The following PTPRE variants were observed in gnomAD, a reference collection of about 807,000 sequenced individuals.
The protein encoded by PTPRE is receptor-type tyrosine-protein phosphatase epsilon.
In PTPRE, 51 loss-of-function variants were observed where a neutral mutation model predicts 102.0. The observed-to-expected ratio is 0.50, with a 90% CI of 0.40 to 0.63. The LOEUF is 0.63. PTPRE is among the 30% of genes least tolerant of loss of function. PTPRE has a pLI of 0.00. For synonymous variants in PTPRE, 345 were observed against 348.2 expected (o/e 0.99, Z 0.10); for missense variants, 752 against 915.1 (o/e 0.82, Z 2.30).
chr10:128,066,017 A>T, intron 10 of PTPRE, 58 bp from the exon 11 acceptor site: 8 of 1,612,838 alleles, frequency 5.0e-6, no homozygotes, highest in Non-Finnish European at 6.8e-6. Context: ...GGGTGGGGGG[A>T]TGTCATGATG....
chr10:128,078,031 T>C (rs1012400104), intron 19 of PTPRE, among the ~76,000 whole-genome samples: 5 of 152,062 alleles, frequency 3.3e-5, no homozygotes, highest in African/African-American at 1.2e-4. Flanking sequence ...GAGGGTGGAG[T>C]TGGGAAACCA....
At chr10:127,935,962 A>T (rs1374598590) in intron 1 of PTPRE, 1 of 152,234 alleles carries the variant, frequency 6.6e-6, no homozygotes, top group East Asian at 1.9e-4. Context: ...CTCTCACCTC[A>T]GGTGCCTTCC....
Position 128,063,129 on chromosome 10 carries a change from G to A in PTPRE, c.672G>A (p.Glu224=). ...ACGACTTCTGGAGAATGGTCTGGGA[G>A]CAAAAGTCTGCGACCATCGTCATGT... The part of the protein sequence containing the change: ...TVNDFWRMVW[E]QKSATIVMLT... Residue 224 remains glutamate, a synonymous_variant, in exon 10 of 21, where the codon GAG becomes GAA. Transcript: ENST00000254667. The A allele has an allele frequency of 1.2e-6, 2 of 1,614,216 alleles. No individual in the cohort carries two copies. The highest frequency in any genetic ancestry group is 1.7e-6 in the Non-Finnish European group (2 of 1,180,048).
chr10:127,993,457 G>T (rs1420869872), intron 2 of PTPRE, among the ~76,000 whole-genome samples: 1 of 152,190 alleles, frequency 6.6e-6, no homozygotes. Flanking sequence ...CACAGACGGG[G>T]ATGGGGGGCC....
chr10:127,959,718 T>C (rs1380259575), intron 1 of PTPRE, among the ~76,000 whole-genome samples: 2 of 152,202 alleles, frequency 1.3e-5, no homozygotes, highest in Non-Finnish European at 2.9e-5. Context: ...TTCCCCAGTA[T>C]GATCCTGGGT....
At chr10:127,991,306 G>A (rs1216864015) in intron 2 of PTPRE, among the ~76,000 whole-genome samples, 1 of 152,220 alleles carries the variant, frequency 6.6e-6, no homozygotes, top group Admixed American at 6.5e-5. Context: ...CCCGTTGTGG[G>A]CGGACTGACT....
intron 7 of PTPRE, among the ~76,000 whole-genome samples, chr10:128,058,685 G>A (rs1849228716): frequency 6.6e-6 from 1 of 152,178 alleles, no homozygotes; most frequent in Non-Finnish European, 1.5e-5. Context: ...ACAGCCCATA[G>A]TATCACTTAG....
intron 2 of PTPRE, 64 bp downstream of exon 2, chr10:127,982,360 G>A (rs1268847817): frequency 4.9e-6 from 5 of 1,015,178 alleles, no homozygotes; most frequent in Non-Finnish European, 6.5e-6. Flanking sequence ...AATAATATGT[G>A]GGATTTAATT....
chr10:127,922,923 C>T (rs1209136513), intron 1 of PTPRE, among the ~76,000 whole-genome samples: 1 of 152,244 alleles, frequency 6.6e-6, no homozygotes, highest in Non-Finnish European at 1.5e-5. Flanking sequence ...CCAGACCCAG[C>T]CAAGCTCGGC....
At chr10:128,076,485 T>TC in intron 17 of PTPRE, 118 bp from the exon 18 acceptor site, 2 of 1,053,256 alleles carry the variant, frequency 1.9e-6, no homozygotes, top group Non-Finnish European at 2.6e-6. Flanking sequence ...CATATGTTTT[T>TC]TTTTTTGGTC....
At chr10:128,077,835 C>A (rs1477229096) in intron 19 of PTPRE, 52 bp downstream of exon 19, 1 of 1,539,748 alleles carries the variant, frequency 6.5e-7, no homozygotes, top group Non-Finnish European at 8.8e-7. Context: ...GGCTGCACCC[C>A]CCCAGTACCC....
At position 128,074,624 on chromosome 10, in the gene PTPRE, G is replaced by A. The variant is rs141150679; in HGVS notation, c.1599+1153G>A. Among the ~76,000 whole-genome samples the A allele has an allele frequency of 2.6e-3, 392 of 151,634 alleles. 1 individual carries two copies. The highest frequency in any genetic ancestry group is 8.6e-3 in the African/African-American group (357 of 41,304). ...AGAGGTTGCATTGAGCTGAGATCGC[G>A]CCATTGCACTCCAGCCTGGGGGACA... On this transcript the variant is annotated intron_variant, in intron 17 of 20. Transcript: ENST00000254667.
chr10:127,959,787 C>T (rs1849666205), intron 1 of PTPRE, among the ~76,000 whole-genome samples: 2 of 152,176 alleles, frequency 1.3e-5, no homozygotes, highest in South Asian at 4.1e-4. Flanking sequence ...ATTCTCCTTT[C>T]CCTGACTGTA....
intron 2 of PTPRE, among the ~76,000 whole-genome samples, chr10:127,988,218 G>A (rs1348062160): frequency 1.3e-5 from 2 of 152,176 alleles, no homozygotes; most frequent in African/African-American, 4.8e-5. Flanking sequence ...ACCATCCCCT[G>A]GGGGTGGCCC....
rs375515201 is a variant in PTPRE, at chr10:128,070,501, C to T, written c.1293+51C>T. On this transcript the variant is annotated intron_variant, in intron 14 of 20. Coordinates refer to ENST00000254667, the MANE Select transcript of PTPRE (RefSeq NM_006504.6). This position sits in a 1 kb window ranked among gnomAD's most constrained non-coding sequence, Gnocchi z 4.8. ...ATCCTGGTGTAAGCAGCCAAGGGCA[C>T]GAGGAAAACAGGTGACCATTTAAAG... 6.1e-5 allele frequency: 97 copies of T among 1,580,258 alleles called. No individual in the cohort carries two copies. The highest frequency in any genetic ancestry group is 1.8e-4 in the East Asian group (8 of 44,592).
chr10:128,039,813 A>T (rs1333161165), intron 2 of PTPRE, among the ~76,000 whole-genome samples: 3 of 152,166 alleles, frequency 2.0e-5, no homozygotes, highest in Non-Finnish European at 2.9e-5. Context: ...CCTCCACTGC[A>T]TGTCTGCATT....
At chr10:127,940,793 A>G (rs1848191444) in intron 1 of PTPRE, among the ~76,000 whole-genome samples, 1 of 152,084 alleles carries the variant, frequency 6.6e-6, no homozygotes, top group Non-Finnish European at 1.5e-5. Flanking sequence ...ACAGGCTTAC[A>G]CCATTGCACC....
At chr10:127,912,212 A>C (rs1414116265) in intron 1 of PTPRE, among the ~76,000 whole-genome samples, 1 of 152,204 alleles carries the variant, frequency 6.6e-6, no homozygotes, top group Non-Finnish European at 1.5e-5. Context: ...TCACAGCCAG[A>C]AATGTGGGCC....
intron 6 of PTPRE, among the ~76,000 whole-genome samples, chr10:128,053,335 A>G (rs1156964866): frequency 1.3e-5 from 2 of 152,238 alleles, no homozygotes; most frequent in Non-Finnish European, 1.5e-5. Flanking sequence ...GACAATTTAC[A>G]TAATGGGACA....
Sources: gnomAD v4.1 joint callset for allele counts (sites outside exome capture counted in the v4.1 genomes callset) on GRCh38, gnomAD v4.1.1 for gene constraint, Gnocchi (gnomAD v3.1) non-coding constraint, MANE v1.5 for transcripts, NCBI Gene and HGNC (gene_info 2026-07-23, HGNC 2026-07-21) for gene names.